FOXP2: variants seen among roughly 807,000 people sequenced by gnomAD.
FOXP2 encodes forkhead box protein P2.
FOXP2 carries 12 observed loss-of-function variants against 115.8 expected under a neutral mutation model. The observed-to-expected ratio is 0.10, with a 90% confidence interval of 0.07 to 0.17. The LOEUF (loss-of-function observed/expected upper bound fraction) is 0.17. Among genes scored for constraint, FOXP2 ranks in the 10% least tolerant of loss-of-function variants. The pLI is 1.00. For missense variants in FOXP2, 629 were observed against 843.5 expected, an observed-to-expected ratio of 0.75 and a Z score of 3.15; for synonymous variants, 328 against 297.7, an observed-to-expected ratio of 1.10 and a Z score of -1.05.
At chr7:114,483,942 A>T (rs565528966) in intron 2 of FOXP2, among the ~76,000 whole-genome samples, 1 of 151,800 alleles carries the variant, frequency 6.6e-6, no homozygotes, top group African/African-American at 2.4e-5. Context: ...TTCTTCTAGT[A>T]CTATAAGACA....
chr7:114,208,389 G>T (rs1794254308), intron 1 of FOXP2, among the ~76,000 whole-genome samples: 1 of 152,090 alleles, frequency 6.6e-6, no homozygotes, highest in Non-Finnish European at 1.5e-5. Context: ...CATTGTATCT[G>T]GGAAGTAACT....
chr7:114,351,800 G>A (rs373439824), intron 2 of FOXP2, among the ~76,000 whole-genome samples: 23 of 151,786 alleles, frequency 1.5e-4, no homozygotes, highest in South Asian at 8.3e-4. Context: ...TGTCATAATC[G>A]GATATGTCAA....
intron 2 of FOXP2, among the ~76,000 whole-genome samples, chr7:114,314,022 A>C (rs1405873650): frequency 3.3e-5 from 5 of 151,774 alleles, no homozygotes; most frequent in Non-Finnish European, 7.4e-5. Flanking sequence ...GAATAAATAG[A>C]ACAGAACAGA....
At chr7:114,183,883 T>C (rs1487564996) in intron 1 of FOXP2, among the ~76,000 whole-genome samples, 1 of 152,140 alleles carries the variant, frequency 6.6e-6, no homozygotes, top group Non-Finnish European at 1.5e-5. Flanking sequence ...AAGTGTTTTG[T>C]TGGGTCCAGA....
At chr7:114,361,370 A>C (rs1791741121) in intron 2 of FOXP2, among the ~76,000 whole-genome samples, 1 of 152,038 alleles carries the variant, frequency 6.6e-6, no homozygotes, top group Admixed American at 6.6e-5. Flanking sequence ...TGACAGTATA[A>C]AAGGAAAGAG....
chr7:114,400,776 A>T (rs928722120), intron 2 of FOXP2, among the ~76,000 whole-genome samples: 1 of 152,064 alleles, frequency 6.6e-6, no homozygotes, highest in Non-Finnish European at 1.5e-5. Flanking sequence ...ACCTCCTGCT[A>T]TGTGGCCCAG....
chr7:114,677,395 A>C (rs1194789180), intron 16 of FOXP2, among the ~76,000 whole-genome samples: 1 of 152,184 alleles, frequency 6.6e-6, no homozygotes, highest in Non-Finnish European at 1.5e-5. Context: ...ACATCTATTG[A>C]CTTAAATTTT....
chr7:114,127,700 T>TTGCTTTCATAAACTGCATAGAGA (rs1791753731), intron 1 of FOXP2, among the ~76,000 whole-genome samples: 1 of 152,172 alleles, frequency 6.6e-6, no homozygotes, highest in Admixed American at 6.6e-5. Context: ...AAAATGTTCT[T>TTGCTTTCATAAACTGCATAGAGA]TGCTTTCATA....
intron 2 of FOXP2, among the ~76,000 whole-genome samples, chr7:114,345,711 C>T (rs995769489): frequency 3.3e-5 from 5 of 151,588 alleles, no homozygotes; most frequent in Admixed American, 6.6e-5. Flanking sequence ...AAAATGAGTA[C>T]AGTACACCAG....
chr7:114,274,530 A>T (rs765634118), intron 1 of FOXP2, among the ~76,000 whole-genome samples: 14 of 146,770 alleles, frequency 9.5e-5, no homozygotes, highest in Non-Finnish European at 1.5e-5. Flanking sequence ...GTCTTATAAA[A>T]TATTTTTCCT....
chr7:114,571,032 A>G (rs1426732654), intron 3 of FOXP2: 11 of 731,254 alleles, frequency 1.5e-5, no homozygotes, highest in Non-Finnish European at 2.6e-5. Flanking sequence ...TACAGATGTA[A>G]TTAGTTGATT....
At chr7:114,112,402 A>G (rs1046850510) in intron 1 of FOXP2, among the ~76,000 whole-genome samples, 1 of 152,002 alleles carries the variant, frequency 6.6e-6, no homozygotes, top group Non-Finnish European at 1.5e-5. Context: ...GGTTCAAGCA[A>G]TTCTCCAGCC....
At chr7:114,118,776 T>C (rs1791478088) in intron 1 of FOXP2, among the ~76,000 whole-genome samples, 1 of 152,120 alleles carries the variant, frequency 6.6e-6, no homozygotes, top group Non-Finnish European at 1.5e-5. Context: ...AACAGATTAT[T>C]TCACTCTCTC....
intron 3 of FOXP2, among the ~76,000 whole-genome samples, chr7:114,571,738 A>C (rs1207433626): frequency 1.3e-5 from 2 of 151,922 alleles, no homozygotes; most frequent in African/African-American, 4.8e-5. Context: ...GCTAGAGATT[A>C]TTTAAAGTAT....
intron 2 of FOXP2, among the ~76,000 whole-genome samples, chr7:114,515,437 G>C (rs1395108092): frequency 2.0e-5 from 3 of 151,768 alleles, no homozygotes; most frequent in South Asian, 4.2e-4. Flanking sequence ...GTATCTTATT[G>C]TGGTTTTGAT....
Position 114,653,989 on chromosome 7 carries a change from C to A in FOXP2, c.1246C>A (p.Pro416Thr), listed in dbSNP as rs369313543. Residue 416 changes from proline (P) to threonine (T), a missense_variant, in exon 10 of 17, where the codon CCC becomes ACC. By Grantham distance (38) the Pro-to-Thr change is conservative (BLOSUM62 -1). Coordinates refer to ENST00000350908, the MANE Select transcript of FOXP2 (RefSeq NM_014491.4). ...MTHLHMRPSEPKPSPKPLNLV... is the reference protein window; with the variant it reads ...MTHLHMRPSETKPSPKPLNLV... Reference sequence around the variant, plus strand: ...CCACTTGCACATGCGACCCTCAGAGCCCAAACCATCTCCCAAACCTGTAAG... The same window carrying A: ...CCACTTGCACATGCGACCCTCAGAGACCAAACCATCTCCCAAACCTGTAAG... 131 of 1,613,254 alleles carry A rather than the reference C, an allele frequency of 8.1e-5. No individual in the cohort carries two copies. Among genetic ancestry groups the A allele is most frequent in the Non-Finnish European group, 1.1e-4 (129 of 1,179,486 alleles).
chr7:114,613,243 C>G (rs1379114854), intron 3 of FOXP2, among the ~76,000 whole-genome samples: 1 of 151,818 alleles, frequency 6.6e-6, no homozygotes, highest in Non-Finnish European at 1.5e-5. Flanking sequence ...GTTTTTATAC[C>G]CTTGTCCCAT....
intron 3 of FOXP2, among the ~76,000 whole-genome samples, chr7:114,598,025 CT>C (rs1282038441): frequency 6.6e-6 from 1 of 152,024 alleles, no homozygotes; most frequent in Admixed American, 6.6e-5. Context: ...GATACTTTGC[CT>C]ACTAAATAGT....
intron 1 of FOXP2, among the ~76,000 whole-genome samples, chr7:114,264,613 A>C (rs1306320887): frequency 6.6e-6 from 1 of 152,202 alleles, no homozygotes; most frequent in Admixed American, 6.5e-5. Context: ...TGATATTTGT[A>C]GTATTAACCT....
Sources: gnomAD v4.1 joint callset for allele counts (sites outside exome capture counted in the v4.1 genomes callset) on GRCh38, gnomAD v4.1.1 for gene constraint, MANE v1.5 for transcripts, NCBI Gene and HGNC (gene_info 2026-07-23, HGNC 2026-07-21) for gene names.